KRT8: variants seen among roughly 807,000 people sequenced by gnomAD.
KRT8 encodes the protein keratin, type II cytoskeletal 8.
A neutral mutation model predicts 43.0 loss-of-function variants in KRT8; 24 were observed. The observed-to-expected ratio is 0.56, with a 90% confidence interval of 0.40 to 0.78. The LOEUF (loss-of-function observed/expected upper bound fraction) is 0.78, where lower values mean the gene tolerates loss of function less well. Among genes scored for constraint, KRT8 ranks in the 30% least tolerant of loss-of-function variants. The pLI is 0.00. For missense variants in KRT8, 492 were observed against 638.4 expected (o/e 0.77, Z 2.47); for synonymous variants, 214 against 261.2 (o/e 0.82, Z 1.74).
At chr12:52,944,228 A>C (rs1198207925) in intron 2 of KRT8, among the ~76,000 whole-genome samples, 1 of 152,178 alleles carries the variant, frequency 6.6e-6, no homozygotes, top group African/African-American at 2.4e-5. Flanking sequence ...CAAGATCACT[A>C]AGCCAGCAGT....
At chr12:52,911,215 G>A (rs1450909643), upstream of KRT8, among the ~76,000 whole-genome samples, 1 of 152,100 alleles carries the variant, frequency 6.6e-6, no homozygotes, top group Non-Finnish European at 1.5e-5. Flanking sequence ...AGCCGGGCGT[G>A]GTAGTGGGCA....
chr12:52,909,057 G>A (rs1402108332), upstream of KRT8, among the ~76,000 whole-genome samples: 1 of 152,182 alleles, frequency 6.6e-6, no homozygotes, highest in Admixed American at 6.5e-5. Context: ...TGGTGAAGCT[G>A]CACAAGTCTG....
chr12:52,897,647 G>A, intron 7 of KRT8, 29 bp from the exon 8 acceptor site: 7 of 1,597,764 alleles, frequency 4.4e-6, no homozygotes, highest in Non-Finnish European at 5.9e-6. Flanking sequence ...AGCCACATGA[G>A]TACAGAAGCC....
chr12:52,898,402 A>T (rs1242363534), intron 7 of KRT8, 59 bp downstream of exon 7: 2 of 1,449,374 alleles, frequency 1.4e-6, no homozygotes, highest in East Asian at 2.3e-5. Flanking sequence ...CCCTCCCTGG[A>T]GCTGAGGCCT....
At chr12:52,899,500 T>C (rs1941307954) in intron 5 of KRT8, among the ~76,000 whole-genome samples, 1 of 152,062 alleles carries the variant, frequency 6.6e-6, no homozygotes, top group South Asian at 2.1e-4. Flanking sequence ...CCCTGATGCA[T>C]ATGACTGATT....
At chr12:52,898,596 AG>A (rs1941276366) in intron 6 of KRT8, 77 bp from the exon 7 acceptor site, 6 of 1,611,168 alleles carry the variant, frequency 3.7e-6, no homozygotes, top group Non-Finnish European at 4.2e-6. Flanking sequence ...CCAAGTCCCA[AG>A]GGGCTTCAGG....
intron 2 of KRT8, among the ~76,000 whole-genome samples, chr12:52,920,411 A>C (rs61323711): frequency 6.6e-6 from 1 of 151,904 alleles, no homozygotes; most frequent in Non-Finnish European, 1.5e-5. Context: ...CAGCCTGACC[A>C]ACATGGAGAA....
intron 2 of KRT8, among the ~76,000 whole-genome samples, chr12:52,928,605 T>TA (rs1230176171): frequency 6.6e-6 from 1 of 151,858 alleles, no homozygotes; most frequent in Non-Finnish European, 1.5e-5. Flanking sequence ...CTTCTTCCTT[T>TA]AAAAAAAGAA....
At chr12:52,910,399 C>T (rs1185723765), upstream of KRT8, among the ~76,000 whole-genome samples, 1 of 152,190 alleles carries the variant, frequency 6.6e-6, no homozygotes, top group Non-Finnish European at 1.5e-5. Flanking sequence ...GGCCAGAGCT[C>T]AAATCCACAG....
intron 2 of KRT8, among the ~76,000 whole-genome samples, chr12:52,943,074 C>T (rs534685557): frequency 3.3e-5 from 5 of 152,160 alleles, no homozygotes; most frequent in Non-Finnish European, 5.9e-5. Context: ...CCAGGCATAG[C>T]ACCAACCACA....
chr12:52,918,236 A>AAGAAGAAGAAGAAGAAGG (rs1941813548), intron 2 of KRT8, among the ~76,000 whole-genome samples: 1 of 151,104 alleles, frequency 6.6e-6, no homozygotes, highest in African/African-American at 2.4e-5. Flanking sequence ...GAAGAAGAAG[A>AAGAAGAAGAAGAAGAAGG]AGAAGAAGAA....
At chr12:52,899,637 A>T (rs963138605) in intron 5 of KRT8, 138 bp downstream of exon 5, 2 of 724,418 alleles carry the variant, frequency 2.8e-6, no homozygotes, top group African/African-American at 1.8e-5. Context: ...GAGAAGCTGA[A>T]CTGTGGCTGC....
exon 4 of KRT8, chr12:52,900,670 G>A: frequency 1.9e-6 from 3 of 1,612,252 alleles, no homozygotes; most frequent in African/African-American, 2.7e-5. Context: ...GTTCATGTAA[G>A]CTTCATCCAC....
Position 52,932,092 on chromosome 12 carries a change from C to CTTT in KRT8, c.-47+17361_-47+17363dup, listed in dbSNP as rs139882612. Reference sequence around the variant, plus strand: ...GATTATAGGCACCTGGTAAATCATTCTTTTTTTTTTTTTTTTTTTGAGATG... The same window carrying CTTT: ...GATTATAGGCACCTGGTAAATCATTCTTTTTTTTTTTTTTTTTTTTTTGAGATG... On this transcript the variant is annotated intron_variant, in intron 2 of 6. Coordinates refer to the KRT8 transcript ENST00000546826. Among the ~76,000 whole-genome samples the CTTT allele has an allele frequency of 6.1e-4, 78 of 128,668 alleles. 1 individual carries two copies. The highest frequency in any genetic ancestry group is 1.9e-3 in the African/African-American group (65 of 34,268). 84.4% of individuals were successfully genotyped at this position (128,668 alleles called of 152,430 possible).
At chr12:52,947,703 T>TA (rs983158312) in intron 2 of KRT8, 4 of 141,744 alleles carry the variant, frequency 2.8e-5, no homozygotes, top group African/African-American at 1.1e-4. Context: ...GTCTCAAATT[T>TA]TTTTTTTTTT....
intron 6 of KRT8, 24 bp from the exon 7 acceptor site, chr12:52,898,543 C>A: frequency 6.2e-7 from 1 of 1,613,954 alleles, no homozygotes; most frequent in Non-Finnish European, 8.5e-7. Flanking sequence ...AATGGGGTGT[C>A]AGGACCAACT....
chr12:52,918,075 AGGAGGAGGAGG>A (rs1245073380), intron 2 of KRT8, among the ~76,000 whole-genome samples: 2 of 134,180 alleles, frequency 1.5e-5, no homozygotes, highest in African/African-American at 3.0e-5. Context: ...GAAGAAGAAG[AGGAGGAGGAGG>A]AGAAGAAGAA....
chr12:52,925,696 T>C (rs944421882), intron 2 of KRT8, among the ~76,000 whole-genome samples: 1 of 152,114 alleles, frequency 6.6e-6, no homozygotes, highest in African/African-American at 2.4e-5. Flanking sequence ...TCAAGGAAAG[T>C]TGGGCTCCAG....
chr12:52,903,984 G>T (rs1217456129), intron 1 of KRT8, among the ~76,000 whole-genome samples: 1 of 151,402 alleles, frequency 6.6e-6, no homozygotes, highest in South Asian at 2.1e-4. Flanking sequence ...CCACGCTGCC[G>T]GCGCAGGGGC....
Sources: allele counts gnomAD v4.1 joint callset (sites outside exome capture counted in the v4.1 genomes callset), GRCh38; gene constraint gnomAD v4.1.1; transcripts MANE v1.5; gene names NCBI Gene and HGNC (gene_info 2026-07-23, HGNC 2026-07-21).